TMCC3: variants seen among roughly 807,000 people sequenced by gnomAD.
The protein encoded by TMCC3 is transmembrane and coiled-coil domain protein 3.
In TMCC3, 28 loss-of-function variants were observed where a neutral mutation model predicts 40.2. The observed-to-expected ratio is 0.70, with a 90% CI of 0.52 to 0.95. The LOEUF (loss-of-function observed/expected upper bound fraction) is 0.95. Among genes scored for constraint, TMCC3 ranks in the 40% least tolerant of loss-of-function variants. The pLI, the probability that TMCC3 is intolerant of heterozygous loss-of-function variation, is 0.00. For missense variants in TMCC3, 554 were observed against 615.2 expected, an observed-to-expected ratio of 0.90 and a Z score of 1.05; for synonymous variants, 255 against 248.5, an observed-to-expected ratio of 1.03 and a Z score of -0.25.
rs916308970 is a variant in TMCC3, at chr12:94,569,799, T to C, written c.*1636A>G. 3.9e-5 allele frequency: 6 copies of C among 152,348 alleles called. 1 individual carries two copies. The highest frequency in any genetic ancestry group is 3.9e-4 in the Admixed American group (6 of 15,306). 9.4% of individuals were successfully genotyped at this position (152,348 alleles called of 1,614,324 possible). ...CCTAAGAAGAGCTGTTTGCAAAATATTGCACTTAATTTGAATCCAGGGGGA... is the reference window on the plus strand; with the variant it reads ...CCTAAGAAGAGCTGTTTGCAAAATACTGCACTTAATTTGAATCCAGGGGGA... On this transcript the variant is annotated 3_prime_UTR_variant, in exon 4 of 4. Coordinates refer to ENST00000261226, the MANE Select transcript of TMCC3 (RefSeq NM_020698.4).
intron 1 of TMCC3, among the ~76,000 whole-genome samples, chr12:94,629,791 T>C (rs776761842): frequency 3.9e-5 from 6 of 152,218 alleles, no homozygotes; most frequent in Non-Finnish European, 8.8e-5. Context: ...TAGAAAATAA[T>C]AGCATAAATG....
intron 1 of TMCC3, among the ~76,000 whole-genome samples, chr12:94,584,293 G>A (rs1364612164): frequency 6.6e-6 from 1 of 152,038 alleles, no homozygotes; most frequent in Non-Finnish European, 1.5e-5. Flanking sequence ...TCTCTTGCAG[G>A]CATCCTCCTG....
At chr12:94,612,282 A>C (rs567890226) in intron 1 of TMCC3, among the ~76,000 whole-genome samples, 1 of 151,670 alleles carries the variant, frequency 6.6e-6, no homozygotes, top group South Asian at 2.1e-4. Flanking sequence ...TACAGGCATG[A>C]GCCAGCGTGC....
chr12:94,647,423 T>G (rs987518978), intron 1 of TMCC3, among the ~76,000 whole-genome samples: 9 of 152,176 alleles, frequency 5.9e-5, no homozygotes, highest in African/African-American at 1.9e-4. Flanking sequence ...CCCTGTTATC[T>G]CAACAGGTAT....
At chr12:94,625,913 T>C (rs2068902086) in intron 1 of TMCC3, among the ~76,000 whole-genome samples, 1 of 152,236 alleles carries the variant, frequency 6.6e-6, no homozygotes, top group Non-Finnish European at 1.5e-5. Context: ...AAAAATTTCC[T>C]CAGAATGTTG....
intron 1 of TMCC3, among the ~76,000 whole-genome samples, chr12:94,601,031 A>T (rs2138849579): frequency 6.6e-6 from 1 of 152,158 alleles, no homozygotes; most frequent in Non-Finnish European, 1.5e-5. Context: ...ATACTTATGT[A>T]TGTGCACATA....
rs368285380 is a variant in TMCC3, at chr12:94,612,720, G to A, written c.79-30182C>T. Reference sequence around the variant, plus strand: ...TAAAGTCAGTTTCTCAGAAGACAAAGCAAGACAGAATTACTTGCACTTTTA... The same window carrying A: ...TAAAGTCAGTTTCTCAGAAGACAAAACAAGACAGAATTACTTGCACTTTTA... On this transcript the variant is annotated intron_variant, in intron 1 of 3. Coordinates refer to ENST00000261226, the MANE Select transcript of TMCC3 (RefSeq NM_020698.4). 1.8e-4 allele frequency among the ~76,000 whole-genome samples: 27 copies of A among 152,336 alleles called. 1 individual carries two copies. Among genetic ancestry groups the A allele is most frequent in the African/African-American group, 6.3e-4 (26 of 41,576 alleles).
intron 1 of TMCC3, among the ~76,000 whole-genome samples, chr12:94,601,313 G>A (rs80169948): frequency 0.014 from 2,173 of 152,164 alleles, 33 homozygotes; most frequent in East Asian, 0.055. Context: ...CCAGGCTTTC[G>A]AGACCAGGCT....
intron 1 of TMCC3, among the ~76,000 whole-genome samples, chr12:94,644,087 C>T (rs1250100269): frequency 6.6e-6 from 1 of 152,208 alleles, no homozygotes; most frequent in African/African-American, 2.4e-5. Flanking sequence ...GTTCTTTTTA[C>T]CTCCTTACAG....
At chr12:94,592,674 A>AAAAAAAAAAAAAAAAAAAAAAAAC (rs2068685738) in intron 1 of TMCC3, among the ~76,000 whole-genome samples, 1 of 147,498 alleles carries the variant, frequency 6.8e-6, no homozygotes, top group Admixed American at 6.8e-5. Context: ...AAAAAAAAAA[A>AAAAAAAAAAAAAAAAAAAAAAAAC]AAAAAAAAAT....
chr12:94,636,739 TCGTGCTATGGAACATG>T (rs2068962967), intron 1 of TMCC3, among the ~76,000 whole-genome samples: 1 of 152,228 alleles, frequency 6.6e-6, no homozygotes, highest in African/African-American at 2.4e-5. Context: ...AAACAAACTG[TCGTGCTATGGAACATG>T]CCCTGTGGCA....
At chr12:94,603,513 C>T (rs1436852408) in intron 1 of TMCC3, among the ~76,000 whole-genome samples, 2 of 152,152 alleles carry the variant, frequency 1.3e-5, no homozygotes, top group Non-Finnish European at 2.9e-5. Flanking sequence ...ACAACCCAGA[C>T]AAATCTCACG....
intron 1 of TMCC3, among the ~76,000 whole-genome samples, chr12:94,649,442 A>T (rs1294017231): frequency 6.6e-6 from 1 of 152,234 alleles, no homozygotes; most frequent in Non-Finnish European, 1.5e-5. Flanking sequence ...CAAGCGAGTA[A>T]GTAGTTGGCG....
At chr12:94,578,296 GA>G (rs1457687816) in intron 3 of TMCC3, 97 bp downstream of exon 3, 2 of 1,414,970 alleles carry the variant, frequency 1.4e-6, no homozygotes, top group African/African-American at 2.9e-5. Context: ...CCATGTGCCA[GA>G]AACCCTCTAG....
chr12:94,599,760 C>A (rs1383638919), intron 1 of TMCC3, among the ~76,000 whole-genome samples: 1 of 152,082 alleles, frequency 6.6e-6, no homozygotes, highest in Admixed American at 6.6e-5. Context: ...TGAAGTAAGA[C>A]CCTAAAGACA....
In TMCC3 at chr12:94,593,408, AAGG is replaced by A. The variant is rs149269109; in HGVS notation, c.79-10873_79-10871del. On this transcript the variant is annotated intron_variant, in intron 1 of 3. Transcript: ENST00000261226. ...GAAAGAAGAAAGAAGAAAGAAGAAG[AAGG>A]AAGAAGAAGAAGGAAGAAGAAGGAG... 9.4e-4 allele frequency among the ~76,000 whole-genome samples: 28 copies of A among 29,826 alleles called. 10 individuals are homozygous for A. Among genetic ancestry groups the A allele is most frequent in the African/African-American group, 4.2e-3 (23 of 5,464 alleles). The allele number at this position is 29,826 out of a possible 152,430, so 19.6% of individuals were successfully genotyped here.
At chr12:94,598,469 T>C in intron 1 of TMCC3, 3 of 457,846 alleles carry the variant, frequency 6.6e-6, no homozygotes, top group Non-Finnish European at 8.6e-6. Context: ...AGGCAATTAC[T>C]GGAGATGTTC....
rs554101852 is a variant in TMCC3, at chr12:94,608,724, A to G, written c.79-26186T>C. Among the ~76,000 whole-genome samples, 5 of 152,116 alleles carry G rather than the reference A, an allele frequency of 3.3e-5. No individual in the cohort carries two copies. The East Asian group carries it at 7.7e-4, about 24-fold the overall frequency. ...GGACCACATAGTTGGATCCAGGTGA[A>G]CTCTGTCCAGCTCAAGCAGAGCATG... On this transcript the variant is annotated intron_variant, in intron 1 of 3. Coordinates refer to ENST00000261226, the MANE Select transcript of TMCC3 (RefSeq NM_020698.4).
chr12:94,632,453 C>T (rs112999411), intron 1 of TMCC3, among the ~76,000 whole-genome samples: 2 of 152,170 alleles, frequency 1.3e-5, no homozygotes, highest in African/African-American at 4.8e-5. Flanking sequence ...AAACTACATA[C>T]AAATACCATT....
Sources: gnomAD v4.1 joint callset for allele counts (sites outside exome capture counted in the v4.1 genomes callset) on GRCh38, gnomAD v4.1.1 for gene constraint, MANE v1.5 for transcripts, NCBI Gene and HGNC (gene_info 2026-07-23, HGNC 2026-07-21) for gene names.